The following EIF3A variants were observed in gnomAD, a reference collection of about 807,000 sequenced individuals.
EIF3A encodes eukaryotic translation initiation factor 3 subunit A.
EIF3A carries 21 observed loss-of-function variants against 186.6 expected under a neutral mutation model. The ratio of observed to expected loss-of-function variants is 0.11; its 90% CI spans 0.08 to 0.16. The LOEUF (loss-of-function observed/expected upper bound fraction) is 0.16, where lower values mean the gene tolerates loss of function less well. Among genes scored for constraint, EIF3A ranks in the 10% least tolerant of loss-of-function variants. The pLI, the probability that EIF3A is intolerant of heterozygous loss-of-function variation, is 1.00. For missense variants in EIF3A, 1,306 were observed against 1,796.3 expected, an observed-to-expected ratio of 0.73 and a Z score of 4.93; for synonymous variants, 563 against 584.3, an observed-to-expected ratio of 0.96 and a Z score of 0.52.
At chr10:119,040,236 G>T (rs1021118255) in intron 19 of EIF3A, among the ~76,000 whole-genome samples, 3 of 152,164 alleles carry the variant, frequency 2.0e-5, no homozygotes, top group African/African-American at 7.2e-5. Context: ...CAGTTAGCGG[G>T]TGAGGAAAAT....
At chr10:119,045,003 G>A (rs1325915182) in intron 17 of EIF3A, among the ~76,000 whole-genome samples, 2 of 148,888 alleles carry the variant, frequency 1.3e-5, no homozygotes, top group Non-Finnish European at 3.0e-5. Context: ...GGAGTGCAGT[G>A]GTACGATCTC....
At chr10:119,037,013 T>C (rs931924699) in intron 21 of EIF3A, 106 bp downstream of exon 21, 4 of 785,768 alleles carry the variant, frequency 5.1e-6, no homozygotes, top group Non-Finnish European at 8.4e-6. Context: ...TCAACTCTCT[T>C]ATTGTTGGCC....
In EIF3A at chr10:119,034,705, C is replaced by CA. The variant is rs1848104280; in HGVS notation, c.*1333dup. ...ACTCAATAACAGAAATAAGTGCCTA[C>CA]AGCCATGATGAATTTGTAACATTTT... On this transcript the variant is annotated 3_prime_UTR_variant, in exon 22 of 22. Coordinates refer to ENST00000369144, the MANE Select transcript of EIF3A (RefSeq NM_003750.4). The CA allele has an allele frequency of 6.6e-6, 1 of 152,196 alleles. No homozygotes were observed. The highest frequency in any genetic ancestry group is 1.5e-5 in the Non-Finnish European group (1 of 68,034). The allele number at this position is 152,196 out of a possible 1,614,324, so 9.4% of individuals were successfully genotyped here.
Position 119,037,326 on chromosome 10 carries a change from T to C in EIF3A, c.3729-17A>G, listed in dbSNP as rs372079161. The C allele has an allele frequency of 4.3e-5, 69 of 1,612,114 alleles. No homozygotes were observed. The highest frequency in any genetic ancestry group is 5.7e-5 in the Non-Finnish European group (67 of 1,178,396). ...CCTTCATCCCTGTAGCCATTTACAA[T>C]GACAGGTCAGGTTCTTACTGTTAGA... On this transcript the variant is annotated splice_polypyrimidine_tract_variant and intron_variant, in intron 20 of 21. Coordinates refer to ENST00000369144, the MANE Select transcript of EIF3A (RefSeq NM_003750.4).
chr10:119,077,203 G>A (rs903369044), intron 1 of EIF3A, among the ~76,000 whole-genome samples: 6 of 152,136 alleles, frequency 3.9e-5, no homozygotes, highest in African/African-American at 9.7e-5. Context: ...GGTGGCTCAC[G>A]CCTGTAATCC....
Position 119,038,341 on chromosome 10 carries a change from TTTCTTTTTCTCTGTCCCA to T in EIF3A, c.3607_3624del (p.Trp1203_Glu1208del). ...TCCCGATCTTGATTATCTCTGTCCC[TTTCTTTTTCTCTGTCCCA>T]TTCACGTTCTTCTGATGGCCTTGAT... On this transcript the variant is annotated inframe_deletion, in exon 20 of 22. Coordinates refer to ENST00000369144, the MANE Select transcript of EIF3A (RefSeq NM_003750.4). The T allele has an allele frequency of 6.2e-7, 1 of 1,614,172 alleles. No homozygotes were observed. Among genetic ancestry groups the T allele is most frequent in the Non-Finnish European group, 8.5e-7 (1 of 1,179,988 alleles).
chr10:119,063,327 T>C (rs918493612), intron 7 of EIF3A, among the ~76,000 whole-genome samples: 7 of 152,168 alleles, frequency 4.6e-5, no homozygotes, highest in Non-Finnish European at 7.3e-5. Context: ...AAAAGTTAGC[T>C]ACAAAGTGAA....
At position 119,058,009 on chromosome 10, in the gene EIF3A, G is replaced by T; in HGVS notation, c.1924C>A (p.Gln642Lys). 3 of 1,614,148 alleles carry T rather than the reference G, an allele frequency of 1.9e-6. No individual in the cohort carries two copies. The highest frequency in any genetic ancestry group is 2.5e-6 in the Non-Finnish European group (3 of 1,180,028). ...KKKTVRERLE[Q>K]IKKTELGAKA... ...GCACCCAGTTCTGTTTTCTTGATCT[G>T]CTCCAAACGCTCTCGGACAGTTTTC... The change falls in exon 12 of 22, where the codon CAG becomes AAG. Residue 642 changes from glutamine (Q) to lysine (K), a missense_variant. Gln to Lys is a moderately conservative substitution (Grantham distance 53, BLOSUM62 1). Transcript: ENST00000369144.
intron 2 of EIF3A, 35 bp downstream of exon 2, chr10:119,073,712 C>T: frequency 3.8e-6 from 6 of 1,568,020 alleles, no homozygotes; most frequent in Non-Finnish European, 5.2e-6. Flanking sequence ...ACTAAAAACA[C>T]TTGTTAAAAA....
rs185929392 is a variant in EIF3A, at chr10:119,073,530, C to T, written c.288G>A (p.Met96Ile). The change falls in exon 3 of 22, where the codon ATG (methionine) becomes ATA (isoleucine). Residue 96 changes from methionine to isoleucine, a missense_variant. Met to Ile is a conservative substitution (Grantham distance 10). Coordinates refer to ENST00000369144, the MANE Select transcript of EIF3A (RefSeq NM_003750.4). ...TAGCAGCTTCAGTTTTTTCCTCTGC[C>T]ATTTTCAAATATGCCCTAACAACAT... ...LEDVVRAYLK[M>I]AEEKTEAAKE... is the part of the protein sequence containing the mutation. 134 of 1,612,450 alleles carry T rather than the reference C, an allele frequency of 8.3e-5. No homozygotes were observed. In the East Asian group the frequency reaches 2.8e-3, roughly 34 times the overall value.
chr10:119,042,104 G>A lies in EIF3A; in HGVS notation c.3416C>T (p.Pro1139Leu). Residue 1139 changes from proline to leucine, a missense_variant, in exon 19 of 22, where the codon CCT becomes CTT. Coordinates refer to ENST00000369144, the MANE Select transcript of EIF3A (RefSeq NM_003750.4). The surrounding 1 kb of genome is among the most constrained non-coding windows in gnomAD (Gnocchi z 7.8). ...GCGATCATCATCCATGTTTCTCCAA[G>A]GGCCCCTGTCATCCTCTGCACCACG... Reference protein sequence around the residue: ...PRRGAEDDRGPWRNMDDDRLS... With the variant: ...PRRGAEDDRGLWRNMDDDRLS... The A allele has an allele frequency of 1.2e-6, 2 of 1,614,158 alleles. No homozygotes were observed. The highest frequency in any genetic ancestry group is 1.7e-6 in the Non-Finnish European group (2 of 1,180,036).
At chr10:119,061,388 A>T in intron 7 of EIF3A, 60 bp from the exon 8 acceptor site, 1 of 765,648 alleles carries the variant, frequency 1.3e-6, no homozygotes, top group South Asian at 1.7e-5. Flanking sequence ...TAAAATTCTG[A>T]ACTTAGTATA....
chr10:119,075,879 A>ATTTT (rs58100835), intron 1 of EIF3A, among the ~76,000 whole-genome samples: 4 of 94,056 alleles, frequency 4.3e-5, no homozygotes, highest in Admixed American at 1.4e-4. Context: ...CGCCTGGCTA[A>ATTTT]TTTTTTTTTT....
intron 15 of EIF3A, among the ~76,000 whole-genome samples, chr10:119,050,930 A>C (rs1364083495): frequency 2.0e-5 from 3 of 152,244 alleles, no homozygotes; most frequent in Non-Finnish European, 4.4e-5. Context: ...TCAAATTAGA[A>C]TCTAAGCCCA....
rs752397968 is a variant in EIF3A, at chr10:119,042,068, C to T, written c.3452G>A (p.Arg1151His). ...RNMDDDRLSR[R>H]ADDDRFPRRG... ...TCTGGGAAACCGATCATCATCAGCA[C>T]GTCTTGAAAGGCGATCATCATCCAT... The change falls in exon 19 of 22, where the codon CGT becomes CAT. Residue 1151 changes from arginine to histidine, a missense_variant. Around this residue, in one of 8 missense-constraint regions of EIF3A, gnomAD observed 331 missense variants for 365.8 expected, o/e 0.90. Transcript: ENST00000369144. The surrounding 1 kb of genome is among the most constrained non-coding windows in gnomAD (Gnocchi z 7.8). 3.1e-6 allele frequency: 5 copies of T among 1,614,210 alleles called. No individual in the cohort carries two copies. The highest frequency in any genetic ancestry group is 1.3e-5 in the African/African-American group (1 of 75,040).
chr10:119,073,971 T>C (rs766419069), intron 1 of EIF3A, 34 bp from the exon 2 acceptor site: 6 of 1,541,898 alleles, frequency 3.9e-6, no homozygotes, highest in Non-Finnish European at 5.3e-6. Context: ...ATTAGTTATG[T>C]ACACTATACA....
At chr10:119,057,930 T>C (rs761704421) in intron 12 of EIF3A, 26 bp downstream of exon 12, 1 of 1,576,380 alleles carries the variant, frequency 6.3e-7, no homozygotes, top group South Asian at 1.2e-5. Context: ...TAAAACTAAT[T>C]TTTTAATAAC....
At position 119,056,851 on chromosome 10, in the gene EIF3A, A is replaced by T; in HGVS notation, c.2085T>A (p.Ile695=). ...QERLKNQEKK[I]DYFERAKRLE... ...AACGTTTGGCTCTTTCAAAATAGTCAATCTGAATGACACGAAAACACACGT... is the reference window on the plus strand; with the variant it reads ...AACGTTTGGCTCTTTCAAAATAGTCTATCTGAATGACACGAAAACACACGT... Residue 695 remains isoleucine, a splice_region_variant and synonymous_variant, in exon 14 of 22, where the codon ATT becomes ATA. Coordinates refer to ENST00000369144, the MANE Select transcript of EIF3A (RefSeq NM_003750.4). 6.2e-7 allele frequency: 1 copy of T among 1,609,956 alleles called. No individual in the cohort carries two copies. Among genetic ancestry groups the T allele is most frequent in the Non-Finnish European group, 8.5e-7 (1 of 1,176,382 alleles).
At position 119,035,081 on chromosome 10, in the gene EIF3A, ACAG is replaced by A. The variant is rs1464851093; in HGVS notation, c.*955_*957del. 1.3e-5 allele frequency: 2 copies of A among 152,648 alleles called. No individual in the cohort carries two copies. The highest frequency in any genetic ancestry group is 4.1e-4 in the South Asian group (2 of 4,836). 9.5% of individuals were successfully genotyped at this position (152,648 alleles called of 1,614,324 possible). A position where few individuals can be genotyped will look rare whatever the true frequency, so the allele number is the denominator to read the frequency against. On this transcript the variant is annotated 3_prime_UTR_variant, in exon 22 of 22. Transcript: ENST00000369144. ...TTTTATTTATCACTGAAGAAAAAAC[ACAG>A]CAGCAAGTTCTGTGTTGGCTTCAAT...
Sources: allele counts gnomAD v4.1 joint callset (sites outside exome capture counted in the v4.1 genomes callset), GRCh38; gene constraint gnomAD v4.1.1; regional missense constraint gnomAD v4.1.1; non-coding constraint Gnocchi (gnomAD v3.1); transcripts MANE v1.5; gene names NCBI Gene and HGNC (gene_info 2026-07-23, HGNC 2026-07-21).